The following PFKP variants were observed in gnomAD, a reference collection of about 807,000 sequenced individuals.
The protein encoded by PFKP is ATP-dependent 6-phosphofructokinase, platelet type.
In PFKP, 101 loss-of-function variants were observed where a neutral mutation model predicts 94.3. The observed-to-expected ratio is 1.07, with a 90% confidence interval of 0.91 to 1.26. PFKP has a LOEUF of 1.26. Ranked by LOEUF, PFKP falls within the 50% of genes most tolerant of loss-of-function variation. PFKP has a pLI of 0.00. For synonymous variants in PFKP, 573 were observed against 432.6 expected (o/e 1.32, Z -4.03); for missense variants, 1,145 against 1,103.3 (o/e 1.04, Z -0.53).
At chr10:3,129,094 G>A (rs1338930471) in intron 16 of PFKP, 2 of 152,290 alleles carry the variant, frequency 1.3e-5, no homozygotes, top group Non-Finnish European at 2.9e-5. Flanking sequence ...TGAGGCCCAG[G>A]AAGAGGGCGT....
chr10:3,136,372 G>T, intron 21 of PFKP, 78 bp from the exon 22 acceptor site: 1 of 1,497,034 alleles, frequency 6.7e-7, no homozygotes, highest in Non-Finnish European at 9.2e-7. Context: ...TGGCAAGACC[G>T]CTCGCTGTGC....
At chr10:3,135,128 C>T (rs9423490) in intron 20 of PFKP, among the ~76,000 whole-genome samples, 105,710 of 152,022 alleles carry the variant, frequency 0.7, 36,789 homozygotes, top group East Asian at 0.74. Context: ...TTGTTAATGG[C>T]TCCAACATGG....
In PFKP at chr10:3,134,493, C is replaced by T. The variant is rs984145160; in HGVS notation, c.2033C>T (p.Pro678Leu). Residue 678 changes from proline (P) to leucine (L), a missense_variant, in exon 20 of 22, where the codon CCC becomes CTC. By Grantham distance (98) the Pro-to-Leu change is moderately conservative (BLOSUM62 -3). This residue lies in a region of PFKP where 1,119 missense variants were observed against 1,062.8 expected (regional missense o/e 1.05). Transcript: ENST00000381125. Reference sequence around the variant, plus strand: ...TCTAACCACCAACAGGGTGGGGCACCCTCTCCATTTGATAGAAACTTTGGA... The same window carrying T: ...TCTAACCACCAACAGGGTGGGGCACTCTCTCCATTTGATAGAAACTTTGGA... ...VLGHMQQGGA[P>L]SPFDRNFGTK... 1 of 1,610,934 alleles carries T rather than the reference C, an allele frequency of 6.2e-7. No homozygotes were observed. Among genetic ancestry groups the T allele is most frequent in the Non-Finnish European group, 8.5e-7 (1 of 1,177,138 alleles).
chr10:3,120,508 G>C (rs1198154629), intron 16 of PFKP, among the ~76,000 whole-genome samples: 1 of 152,142 alleles, frequency 6.6e-6, no homozygotes, highest in African/African-American at 2.4e-5. Context: ...TCATTGCCCT[G>C]AATGCACCAT....
chr10:3,119,770 T>TGGGCGC, intron 15 of PFKP, 122 bp from the exon 16 acceptor site: 2 of 593,968 alleles, frequency 3.4e-6, no homozygotes, highest in Non-Finnish European at 5.4e-6. Flanking sequence ...CGGAGTGTTT[T>TGGGCGC]CGTGATGCCC....
intron 2 of PFKP, among the ~76,000 whole-genome samples, chr10:3,097,628 A>G (rs1355709295): frequency 6.6e-6 from 1 of 152,128 alleles, no homozygotes; most frequent in Admixed American, 6.5e-5. Context: ...CAGCGCTGAA[A>G]TGAACCAGCT....
At chr10:3,126,949 C>A (rs1451157523) in intron 16 of PFKP, among the ~76,000 whole-genome samples, 1 of 152,252 alleles carries the variant, frequency 6.6e-6, no homozygotes, top group Non-Finnish European at 1.5e-5. Flanking sequence ...CCACTCACAG[C>A]TGCTGTCCAC....
intron 8 of PFKP, among the ~76,000 whole-genome samples, chr10:3,108,299 G>T (rs1390144009): frequency 2.6e-5 from 4 of 152,230 alleles, no homozygotes; most frequent in African/African-American, 9.6e-5. Flanking sequence ...CCTTGATTGG[G>T]CTGGCTTGTG....
intron 2 of PFKP, among the ~76,000 whole-genome samples, chr10:3,083,286 C>T (rs114723020): frequency 0.018 from 2,673 of 152,258 alleles, 77 homozygotes; most frequent in African/African-American, 0.06. Flanking sequence ...GACTCCCTGT[C>T]TGCCACTTTT....
chr10:3,129,763 A>C, intron 16 of PFKP, 56 bp from the exon 17 acceptor site: 1 of 1,586,510 alleles, frequency 6.3e-7, no homozygotes, highest in South Asian at 1.1e-5. Context: ...GAGCTCTGGG[A>C]TGGTGGGCGC....
chr10:3,081,832 TATG>T lies in PFKP; in HGVS notation c.113-550_113-548del, dbSNP rs1833103217. 3.9e-5 allele frequency among the ~76,000 whole-genome samples: 6 copies of T among 152,298 alleles called. 1 individual carries two copies. The South Asian group carries it at 8.3e-4, about 21-fold the overall frequency. The stretch of plus-strand genomic sequence containing the variant: ...TGATGATACATTGTAAACAGACTTA[TATG>T]ATGATACATTGTATAACACTGTTCT... On this transcript the variant is annotated intron_variant, in intron 1 of 21. Coordinates refer to ENST00000381125, the MANE Select transcript of PFKP (RefSeq NM_002627.5).
At chr10:3,134,998 T>TTG (rs1839062179) in intron 20 of PFKP, among the ~76,000 whole-genome samples, 1 of 152,260 alleles carries the variant, frequency 6.6e-6, no homozygotes, top group African/African-American at 2.4e-5. Context: ...TTGTTCATGT[T>TTG]TGTAGAACTG....
chr10:3,116,627 C>G (rs1407127741), intron 13 of PFKP, 149 bp from the exon 14 acceptor site: 25 of 659,952 alleles, frequency 3.8e-5, no homozygotes, highest in Non-Finnish European at 6.1e-5. Context: ...CTTGATTCAT[C>G]CGGGCATCGT....
Position 3,105,090 on chromosome 10 carries a change from G to A in PFKP, c.621-25G>A, listed in dbSNP as rs200145075. On this transcript the variant is annotated intron_variant, in intron 5 of 21. Coordinates refer to ENST00000381125, the MANE Select transcript of PFKP (RefSeq NM_002627.5). The stretch of plus-strand genomic sequence containing the variant: ...TTTCTCTGCTTTCTGAGCTGTGTCC[G>A]GGGCTCCCTCTGTTTCTCTTCCAGC... 843 of 1,611,892 alleles carry A rather than the reference G, an allele frequency of 5.2e-4. 10 individuals are homozygous for A. In the South Asian group the frequency reaches 7.8e-3, roughly 15 times the overall value.
intron 16 of PFKP, among the ~76,000 whole-genome samples, chr10:3,121,803 C>CTTTTCTTTCTTTTTTTTT (rs1564339123): frequency 3.1e-5 from 1 of 32,624 alleles, no homozygotes; most frequent in Non-Finnish European, 5.9e-5. Flanking sequence ...CTTTTTTTTT[C>CTTTTCTTTCTTTTTTTTT]TTTTTTTTTT....
intron 1 of PFKP, among the ~76,000 whole-genome samples, chr10:3,080,593 GA>G (rs1355487836): frequency 6.7e-6 from 1 of 149,766 alleles, no homozygotes; most frequent in Non-Finnish European, 1.5e-5. Flanking sequence ...TCAAAGTGTA[GA>G]AAGAAATAAC....
Position 3,087,475 on chromosome 10 carries a change from G to A in PFKP, c.186+5014G>A, listed in dbSNP as rs577275628. Among the ~76,000 whole-genome samples the A allele has an allele frequency of 5.3e-5, 8 of 152,264 alleles. No individual in the cohort carries two copies. In the East Asian group the frequency reaches 1.5e-3, roughly 29 times the overall value. On this transcript the variant is annotated intron_variant, in intron 2 of 21. Transcript: ENST00000381125. Reference sequence around the variant, plus strand: ...TGACTCTGAGATCTCATTTCCTTTAGGGAAATTCACGGAATTTCTGCAATT... The same window carrying A: ...TGACTCTGAGATCTCATTTCCTTTAAGGAAATTCACGGAATTTCTGCAATT...
At position 3,094,194 on chromosome 10, in the gene PFKP, C is replaced by G. The variant is rs146319854; in HGVS notation, c.187-5081C>G. Among the ~76,000 whole-genome samples, 826 of 152,292 alleles carry G rather than the reference C, an allele frequency of 5.4e-3. 3 individuals carry two copies. Among genetic ancestry groups the G allele is most frequent in the Middle Eastern group, 0.017 (5 of 294 alleles). The stretch of plus-strand genomic sequence containing the variant: ...TCACTGCCAGGCCAGTGCTTGGGAC[C>G]CTCTCTCTACAGGGGAGGAAGGGCG... On this transcript the variant is annotated intron_variant, in intron 2 of 21. Coordinates refer to ENST00000381125, the MANE Select transcript of PFKP (RefSeq NM_002627.5).
At chr10:3,131,707 C>T (rs1355890907) in intron 17 of PFKP, among the ~76,000 whole-genome samples, 3 of 152,186 alleles carry the variant, frequency 2.0e-5, no homozygotes, top group Non-Finnish European at 2.9e-5. Context: ...AATCTATCCG[C>T]CTTGGCCTCC....
Sources: gnomAD v4.1 joint callset for allele counts (sites outside exome capture counted in the v4.1 genomes callset) on GRCh38, gnomAD v4.1.1 for gene constraint, gnomAD v4.1.1 regional missense constraint, MANE v1.5 for transcripts, NCBI Gene and HGNC (gene_info 2026-07-23, HGNC 2026-07-21) for gene names.